Variants in CD53 observed in about 807,000 individuals in gnomAD.
CD53 encodes CD53 molecule.
A neutral mutation model predicts 27.3 loss-of-function variants in CD53; 20 were observed. The observed-to-expected ratio is 0.73, with a 90% CI of 0.52 to 1.07. The LOEUF is 1.07. CD53 is among the 50% of genes least tolerant of loss of function. The pLI is 0.00. For synonymous variants in CD53, 106 were observed against 105.3 expected, an observed-to-expected ratio of 1.01 and a Z score of -0.04; for missense variants, 216 against 264.0, an observed-to-expected ratio of 0.82 and a Z score of 1.26.
chr1:110,895,739 C>T (rs896006197), intron 5 of CD53, among the ~76,000 whole-genome samples: 1 of 152,088 alleles, frequency 6.6e-6, no homozygotes, highest in East Asian at 1.9e-4. Flanking sequence ...CTTTTTATTA[C>T]ATAATTTTTA....
intron 5 of CD53, among the ~76,000 whole-genome samples, chr1:110,895,478 G>A (rs1479637333): frequency 1.3e-5 from 2 of 151,982 alleles, no homozygotes; most frequent in African/African-American, 4.8e-5. Flanking sequence ...ACCCACAAAC[G>A]TGTATATGTA....
Position 110,899,706 on chromosome 1 carries a change from A to G in CD53, c.*511A>G, listed in dbSNP as rs1434918141. On this transcript the variant is annotated 3_prime_UTR_variant, in exon 8 of 8. Coordinates refer to ENST00000271324, the MANE Select transcript of CD53 (RefSeq NM_000560.4). ...GGAATTACACAGTTCTCTTTCTCCAAAGGGCAAGATCTCATTTCAATTTCT... is the reference window on the plus strand; with the variant it reads ...GGAATTACACAGTTCTCTTTCTCCAGAGGGCAAGATCTCATTTCAATTTCT... 1.3e-5 allele frequency: 2 copies of G among 155,232 alleles called. No homozygotes were observed. The highest frequency in any genetic ancestry group is 1.9e-4 in the East Asian group (1 of 5,220). 9.6% of individuals were successfully genotyped at this position (155,232 alleles called of 1,614,324 possible).
chr1:110,890,781 C>T (rs1477179766), intron 1 of CD53, among the ~76,000 whole-genome samples: 1 of 152,186 alleles, frequency 6.6e-6, no homozygotes, highest in Non-Finnish European at 1.5e-5. Context: ...TTTATCTTTG[C>T]TGTAAGACTG....
chr1:110,898,379 G>GGA (rs33929044), intron 7 of CD53, among the ~76,000 whole-genome samples: 1 of 115,658 alleles, frequency 8.6e-6, no homozygotes, highest in Non-Finnish European at 1.7e-5. Flanking sequence ...TCTGTCTCCA[G>GGA]AAAAAAAAAA....
intron 1 of CD53, chr1:110,880,101 G>A (rs1027704014): frequency 2.0e-5 from 3 of 152,236 alleles, no homozygotes; most frequent in East Asian, 1.9e-4. Flanking sequence ...GTTTGGTCAC[G>A]CAGGTTTCCT....
upstream of CD53, chr1:110,873,015 A>T (rs1416549950): frequency 2.0e-5 from 3 of 152,612 alleles, no homozygotes; most frequent in South Asian, 2.1e-4. Context: ...AAGCTTCTAA[A>T]AAGCCACTGG....
chr1:110,882,205 T>C lies in CD53; in HGVS notation c.-18+8957T>C, dbSNP rs192692665. Among the ~76,000 whole-genome samples, 17 of 152,324 alleles carry C rather than the reference T, an allele frequency of 1.1e-4. No individual in the cohort carries two copies. In the East Asian group the frequency reaches 1.7e-3, roughly 16 times the overall value. ...AACCAAGGTTGCAAATATTTCCTTC[T>C]GGAGAATTATAGTTTTGGATTTTAC... On this transcript the variant is annotated intron_variant, in intron 1 of 7. Coordinates refer to ENST00000271324, the MANE Select transcript of CD53 (RefSeq NM_000560.4).
Position 110,899,354 on chromosome 1 carries a change from A to G in CD53, c.*159A>G. On this transcript the variant is annotated 3_prime_UTR_variant, in exon 8 of 8. Coordinates refer to ENST00000271324, the MANE Select transcript of CD53 (RefSeq NM_000560.4). Reference sequence around the variant, plus strand: ...ACAACCAGAGAAGTGGGTGTTGGCCAGGCACATCCCATCTCAGGCAGCAAG... The same window carrying G: ...ACAACCAGAGAAGTGGGTGTTGGCCGGGCACATCCCATCTCAGGCAGCAAG... 1 of 563,652 alleles carries G rather than the reference A, an allele frequency of 1.8e-6. No individual in the cohort carries two copies. The highest frequency in any genetic ancestry group is 3.2e-5 in the Admixed American group (1 of 31,384). The allele number at this position is 563,652 out of a possible 1,614,324, so 34.9% of individuals were successfully genotyped here.
chr1:110,889,173 T>C (rs1277023169), intron 1 of CD53, among the ~76,000 whole-genome samples: 1 of 152,204 alleles, frequency 6.6e-6, no homozygotes, highest in Non-Finnish European at 1.5e-5. Context: ...TGTCTTACTC[T>C]ATGAGATATT....
At chr1:110,872,591 C>A (rs1447869336), upstream of CD53, among the ~76,000 whole-genome samples, 2 of 152,184 alleles carry the variant, frequency 1.3e-5, no homozygotes, top group African/African-American at 4.8e-5. Context: ...GGGGACTCAC[C>A]TTAAGACAGT....
chr1:110,882,819 A>T (rs980838712), intron 1 of CD53, among the ~76,000 whole-genome samples: 5 of 152,010 alleles, frequency 3.3e-5, no homozygotes, highest in Non-Finnish European at 5.9e-5. Flanking sequence ...TTCATATATG[A>T]TGCTATTGTA....
chr1:110,888,236 T>G (rs947600025), intron 1 of CD53, among the ~76,000 whole-genome samples: 3 of 152,174 alleles, frequency 2.0e-5, no homozygotes, highest in Non-Finnish European at 4.4e-5. Flanking sequence ...ACGAAGTTTG[T>G]GGTAATGTTT....
intron 1 of CD53, among the ~76,000 whole-genome samples, chr1:110,884,591 A>G (rs190060457): frequency 7.9e-5 from 12 of 152,202 alleles, no homozygotes; most frequent in African/African-American, 2.9e-4. Context: ...ACTTGTCTAT[A>G]TCTTCTTTCA....
At chr1:110,897,719 C>A in intron 6 of CD53, 90 bp from the exon 7 acceptor site, 1 of 740,970 alleles carries the variant, frequency 1.3e-6, no homozygotes, top group Non-Finnish European at 2.3e-6. Flanking sequence ...TTACATAAAG[C>A]AAAATGCAAA....
chr1:110,875,346 G>C (rs1379774175), intron 1 of CD53, among the ~76,000 whole-genome samples: 4 of 152,172 alleles, frequency 2.6e-5, no homozygotes, highest in African/African-American at 9.7e-5. Flanking sequence ...CCAGCTCTGG[G>C]TGGGGCTATG....
chr1:110,888,149 A>G (rs537990778), intron 1 of CD53, among the ~76,000 whole-genome samples: 4 of 152,236 alleles, frequency 2.6e-5, no homozygotes, highest in Non-Finnish European at 2.9e-5. Context: ...TTAAGAAGAA[A>G]TGTAGCCTAG....
chr1:110,889,448 C>G (rs559022920), intron 1 of CD53, among the ~76,000 whole-genome samples: 2 of 152,142 alleles, frequency 1.3e-5, no homozygotes, highest in East Asian at 3.9e-4. Flanking sequence ...AACCCAGCTA[C>G]TCGGGAGGCT....
intron 6 of CD53, among the ~76,000 whole-genome samples, chr1:110,897,068 G>C (rs1657098450): frequency 1.3e-5 from 2 of 152,198 alleles, no homozygotes; most frequent in South Asian, 4.1e-4. Context: ...AATGTATAGG[G>C]TTGAGATAGA....
chr1:110,886,832 G>A (rs1395495889), intron 1 of CD53, among the ~76,000 whole-genome samples: 1 of 131,886 alleles, frequency 7.6e-6, no homozygotes, highest in African/African-American at 2.6e-5. Flanking sequence ...GCAACAGAGC[G>A]AGACTCTGTC....
Sources: allele counts gnomAD v4.1 joint callset (sites outside exome capture counted in the v4.1 genomes callset), GRCh38; gene constraint gnomAD v4.1.1; transcripts MANE v1.5; gene names NCBI Gene and HGNC (gene_info 2026-07-23, HGNC 2026-07-21).